Variants in DPP10 observed in about 807,000 individuals in gnomAD.
The protein encoded by DPP10 is dipeptidyl peptidase like 10, also known as inactive dipeptidyl peptidase 10.
A neutral mutation model predicts 120.9 loss-of-function variants in DPP10; 33 were observed. The observed-to-expected ratio is 0.27, with a 90% CI of 0.21 to 0.37. The LOEUF is 0.37. Ranked by LOEUF, DPP10 falls within the 10% of genes least tolerant of loss-of-function variation. DPP10 has a pLI of 1.00. For missense variants in DPP10, 816 were observed against 942.8 expected, an observed-to-expected ratio of 0.87 and a Z score of 1.76; for synonymous variants, 337 against 326.1, an observed-to-expected ratio of 1.03 and a Z score of -0.36.
intron 1 of DPP10, among the ~76,000 whole-genome samples, chr2:114,653,351 T>G (rs967167960): frequency 6.6e-6 from 1 of 152,084 alleles, no homozygotes; most frequent in Admixed American, 6.6e-5. Context: ...GGACGGAATT[T>G]CCCTGGAGCC....
chr2:115,370,333 C>G (rs1000467112), intron 3 of DPP10, among the ~76,000 whole-genome samples: 1 of 152,008 alleles, frequency 6.6e-6, no homozygotes, highest in Non-Finnish European at 1.5e-5. Context: ...GTCAGGGAAA[C>G]AGGCACAGTA....
chr2:114,683,049 T>G (rs1455441197), intron 1 of DPP10, among the ~76,000 whole-genome samples: 1 of 151,982 alleles, frequency 6.6e-6, no homozygotes, highest in Non-Finnish European at 1.5e-5. Flanking sequence ...AGCAAACATT[T>G]ATTGAATGTG....
At chr2:115,276,220 C>T (rs544906464) in intron 1 of DPP10, among the ~76,000 whole-genome samples, 2 of 152,138 alleles carry the variant, frequency 1.3e-5, no homozygotes, top group East Asian at 3.9e-4. Context: ...ACACAGAACC[C>T]GGGCAATTCA....
At chr2:114,983,346 CT>C (rs1700201479) in intron 1 of DPP10, among the ~76,000 whole-genome samples, 1 of 152,108 alleles carries the variant, frequency 6.6e-6, no homozygotes, top group Non-Finnish European at 1.5e-5. Context: ...GCTCTTCTTG[CT>C]TCTGTATTAA....
chr2:115,377,688 T>G (rs1384693063), intron 3 of DPP10, among the ~76,000 whole-genome samples: 1 of 152,212 alleles, frequency 6.6e-6, no homozygotes, highest in South Asian at 2.1e-4. Flanking sequence ...GGTTTTAGGT[T>G]TATCGTTTAA....
At chr2:115,147,805 T>G (rs2104878957) in intron 1 of DPP10, among the ~76,000 whole-genome samples, 1 of 152,246 alleles carries the variant, frequency 6.6e-6, no homozygotes, top group East Asian at 1.9e-4. Context: ...GGAATCTAAA[T>G]AAACTTGAAA....
At chr2:115,035,508 T>C (rs1201027800) in intron 1 of DPP10, among the ~76,000 whole-genome samples, 5 of 152,234 alleles carry the variant, frequency 3.3e-5, no homozygotes, top group Non-Finnish European at 7.3e-5. Context: ...AGAACGATTC[T>C]TATATTTGAC....
At chr2:115,583,218 A>C (rs142265472) in intron 5 of DPP10, among the ~76,000 whole-genome samples, 2 of 152,286 alleles carry the variant, frequency 1.3e-5, no homozygotes, top group East Asian at 1.9e-4. Context: ...TTTTAGAATT[A>C]TTTGCACTCA....
chr2:114,577,849 G>T (rs554421358), intron 1 of DPP10, among the ~76,000 whole-genome samples: 1 of 152,068 alleles, frequency 6.6e-6, no homozygotes, highest in African/African-American at 2.4e-5. Context: ...TTATTATCAC[G>T]TGACATTCTT....
intron 5 of DPP10, among the ~76,000 whole-genome samples, chr2:115,683,637 G>T (rs376824594): frequency 3.3e-5 from 5 of 151,758 alleles, no homozygotes; most frequent in East Asian, 1.9e-4. Flanking sequence ...ACTCTATTTT[G>T]CTGTGAACCT....
intron 1 of DPP10, among the ~76,000 whole-genome samples, chr2:114,545,843 C>G (rs569714564): frequency 6.6e-6 from 1 of 152,062 alleles, no homozygotes; most frequent in African/African-American, 2.4e-5. Flanking sequence ...TTCTTTATAC[C>G]GCAACCCATG....
chr2:114,604,731 T>C (rs1265692129), intron 1 of DPP10, among the ~76,000 whole-genome samples: 1 of 152,174 alleles, frequency 6.6e-6, no homozygotes, highest in Non-Finnish European at 1.5e-5. Context: ...CACTGGTTTC[T>C]GTCTATTTGG....
intron 1 of DPP10, among the ~76,000 whole-genome samples, chr2:114,909,384 A>T (rs1257455184): frequency 6.6e-6 from 1 of 152,050 alleles, no homozygotes; most frequent in African/African-American, 2.4e-5. Flanking sequence ...ATCCTCAAAC[A>T]GTATAAAACA....
At chr2:114,649,400 G>C (rs942282189) in intron 1 of DPP10, among the ~76,000 whole-genome samples, 1 of 151,154 alleles carries the variant, frequency 6.6e-6, no homozygotes, top group Non-Finnish European at 1.5e-5. Context: ...CCAGGCTGGA[G>C]TGCAGTGGCG....
At chr2:114,887,605 C>G (rs578145726) in intron 1 of DPP10, among the ~76,000 whole-genome samples, 1 of 152,212 alleles carries the variant, frequency 6.6e-6, no homozygotes, top group African/African-American at 2.4e-5. Context: ...AATCCTTCAT[C>G]TGTAAAACAG....
At chr2:114,490,955 T>C (rs1442052463) in intron 1 of DPP10, among the ~76,000 whole-genome samples, 1 of 152,200 alleles carries the variant, frequency 6.6e-6, no homozygotes. Context: ...TTGAATCCTG[T>C]TATAAAACAA....
intron 5 of DPP10, among the ~76,000 whole-genome samples, chr2:115,581,974 G>A (rs1190950346): frequency 2.0e-5 from 3 of 152,184 alleles, no homozygotes; most frequent in Non-Finnish European, 4.4e-5. Flanking sequence ...CTGAGGGACA[G>A]AAGGCAGAGT....
intron 1 of DPP10, among the ~76,000 whole-genome samples, chr2:115,239,481 T>C (rs2058163020): frequency 6.6e-6 from 1 of 152,180 alleles, no homozygotes; most frequent in South Asian, 2.1e-4. Flanking sequence ...ACATTTAGAC[T>C]CACTAAAGGC....
intron 1 of DPP10, among the ~76,000 whole-genome samples, chr2:115,193,826 A>G (rs1054582296): frequency 5.3e-5 from 8 of 152,110 alleles, no homozygotes; most frequent in Non-Finnish European, 8.8e-5. Flanking sequence ...TTTTCCCTCA[A>G]TCACCCGGGA....
Sources: gnomAD v4.1 joint callset for allele counts (sites outside exome capture counted in the v4.1 genomes callset) on GRCh38, gnomAD v4.1.1 for gene constraint, MANE v1.5 for transcripts, NCBI Gene and HGNC (gene_info 2026-07-23, HGNC 2026-07-21) for gene names.